The following NEK9 variants were observed in gnomAD, a reference collection of about 807,000 sequenced individuals.
NEK9 encodes NIMA related kinase 9.
Under a neutral mutation model 123.4 loss-of-function variants are expected in NEK9, and 75 were observed. That is an observed-to-expected ratio of 0.61 (90% CI 0.50 to 0.74). The LOEUF (loss-of-function observed/expected upper bound fraction) is 0.74, where lower values mean the gene tolerates loss of function less well. Among genes scored for constraint, NEK9 ranks in the 30% least tolerant of loss-of-function variants. The pLI, the probability that NEK9 is intolerant of heterozygous loss-of-function variation, is 0.00. For missense variants in NEK9, 952 were observed against 1,214.4 expected (o/e 0.78, Z 3.21); for synonymous variants, 438 against 458.7 (o/e 0.95, Z 0.58).
intron 21 of NEK9, among the ~76,000 whole-genome samples, chr14:75,085,556 T>C (rs1223673778): frequency 6.6e-6 from 1 of 152,140 alleles, no homozygotes; most frequent in East Asian, 1.9e-4. Flanking sequence ...ACTAAAAATG[T>C]TTAATGTGAA....
At chr14:75,104,048 G>GA (rs1212808315) in intron 13 of NEK9, 51 bp from the exon 14 acceptor site, 3 of 1,528,264 alleles carry the variant, frequency 2.0e-6, no homozygotes, top group Non-Finnish European at 1.8e-6. Flanking sequence ...ATTCGTATTA[G>GA]AAAAAAAGCT....
chr14:75,116,984 A>G (rs1895163012), intron 6 of NEK9, among the ~76,000 whole-genome samples: 1 of 152,036 alleles, frequency 6.6e-6, no homozygotes, highest in African/African-American at 2.4e-5. Context: ...TGATCCACCC[A>G]CCTCGGCCTC....
intron 13 of NEK9, 81 bp from the exon 14 acceptor site, chr14:75,104,078 G>A (rs1894683850): frequency 1.2e-5 from 16 of 1,388,830 alleles, no homozygotes; most frequent in Non-Finnish European, 1.6e-5. Flanking sequence ...TTTCAAAAGA[G>A]ACATGCTGCA....
chr14:75,097,226 C>T lies in NEK9; in HGVS notation c.2047G>A (p.Ala683Thr). ...AWGNGGNGRLAMTPTERPHGS... is the reference protein window; with the variant it reads ...AWGNGGNGRLTMTPTERPHGS... ...TGTGGTCTCTCTGTGGGGGTCATTG[C>T]CAGGCGGCCATTACCACCATTGCCC... The change falls in exon 17 of 22, where the codon GCA becomes ACA. Residue 683 changes from alanine to threonine, a missense_variant. This residue lies in a region of NEK9 where 698 missense variants were observed against 875.6 expected (regional missense o/e 0.80). Coordinates refer to ENST00000238616, the MANE Select transcript of NEK9 (RefSeq NM_033116.6). 1 of 1,609,606 alleles carries T rather than the reference C, an allele frequency of 6.2e-7. No homozygotes were observed. The highest frequency in any genetic ancestry group is 8.5e-7 in the Non-Finnish European group (1 of 1,177,618).
chr14:75,088,904 C>A (rs1894115820), intron 19 of NEK9, among the ~76,000 whole-genome samples: 1 of 152,154 alleles, frequency 6.6e-6, no homozygotes, highest in African/African-American at 2.4e-5. Context: ...TCTACACAGG[C>A]TATTCAGTGA....
chr14:75,103,910 C>T lies in NEK9; in HGVS notation c.1663G>A (p.Ala555Thr). The T allele has an allele frequency of 6.2e-7, 1 of 1,614,166 alleles. No individual in the cohort carries two copies. The highest frequency in any genetic ancestry group is 8.5e-7 in the Non-Finnish European group (1 of 1,180,018). Residue 555 changes from alanine (A) to threonine (T), a missense_variant, in exon 14 of 22, where the codon GCC becomes ACC. Transcript: ENST00000238616. ...FLLTQSGKVL[A>T]CGLNEFNKLG... ...TTATTGAATTCATTGAGTCCACAGG[C>T]CAGCACTTTGCCTGACTGGGTCAAC...
At chr14:75,118,970 C>G in intron 4 of NEK9, 35 bp from the exon 5 acceptor site, 1 of 1,145,626 alleles carries the variant, frequency 8.7e-7, no homozygotes, top group Non-Finnish European at 1.3e-6. Flanking sequence ...TAAGTTCACA[C>G]AGATAATTGT....
At chr14:75,107,258 T>C in intron 11 of NEK9, 85 bp downstream of exon 11, 1 of 1,423,392 alleles carries the variant, frequency 7.0e-7, no homozygotes, top group East Asian at 2.4e-5. Flanking sequence ...GTCTTTTGTT[T>C]TAAAATCCCA....
At chr14:75,106,225 G>A (rs1314581610) in intron 12 of NEK9, 1 of 595,046 alleles carries the variant, frequency 1.7e-6, no homozygotes, top group Admixed American at 3.0e-5. Flanking sequence ...TGGGTGTGAT[G>A]GTGTGTGCCT....
chr14:75,097,535 TCAAA>T (rs1894429632), intron 16 of NEK9, among the ~76,000 whole-genome samples: 1 of 152,246 alleles, frequency 6.6e-6, no homozygotes, highest in African/African-American at 2.4e-5. Flanking sequence ...GGTCATTCAT[TCAAA>T]CAGTGACTGA....
intron 13 of NEK9, among the ~76,000 whole-genome samples, chr14:75,104,896 T>A (rs1232234023): frequency 6.6e-6 from 1 of 152,260 alleles, no homozygotes; most frequent in Non-Finnish European, 1.5e-5. Flanking sequence ...TAATAGGTCC[T>A]ACTTAGGGTG....
chr14:75,093,327 T>C (rs1365404245), intron 18 of NEK9, among the ~76,000 whole-genome samples: 1 of 152,232 alleles, frequency 6.6e-6, no homozygotes, highest in Non-Finnish European at 1.5e-5. Flanking sequence ...ATTTGCCGTG[T>C]GAATTCCTTC....
At chr14:75,123,043 T>C (rs1895393298) in intron 2 of NEK9, among the ~76,000 whole-genome samples, 1 of 151,914 alleles carries the variant, frequency 6.6e-6, no homozygotes, top group Non-Finnish European at 1.5e-5. Flanking sequence ...GATCTGCTTG[T>C]CTTGGCTTCT....
intron 18 of NEK9, among the ~76,000 whole-genome samples, chr14:75,093,055 T>C (rs1205825591): frequency 6.6e-6 from 1 of 152,252 alleles, no homozygotes. Context: ...TAAATTTTCA[T>C]GCCTAACAAT....
In NEK9 at chr14:75,121,797, G is replaced by A. The variant is rs563468345; in HGVS notation, c.398-623C>T. On this transcript the variant is annotated intron_variant, in intron 2 of 21. Coordinates refer to ENST00000238616, the MANE Select transcript of NEK9 (RefSeq NM_033116.6). The stretch of plus-strand genomic sequence containing the variant: ...GCGTGGGAGGATCGCCTGAGCCTGG[G>A]AGGCGGAGGTTGCAGTGAGCTGGGA... Among the ~76,000 whole-genome samples, 6 of 152,376 alleles carry A rather than the reference G, an allele frequency of 3.9e-5. No individual in the cohort carries two copies. In the South Asian group the frequency reaches 1.2e-3, roughly 32 times the overall value.
Position 75,083,004 on chromosome 14 carries a change from C to T in NEK9, c.*1560G>A. 2.5e-6 allele frequency: 1 copy of T among 398,624 alleles called. No individual in the cohort carries two copies. Among genetic ancestry groups the T allele is most frequent in the Admixed American group, 4.4e-5 (1 of 22,734 alleles). The allele number at this position is 398,624 out of a possible 1,614,324, so 24.7% of individuals were successfully genotyped here. A position where few individuals can be genotyped will look rare whatever the true frequency, so the allele number is the denominator to read the frequency against. ...TCAAACCAAAGAAGATCCCATTGAA[C>T]AGAGTTGCCTGTCCCGAGCAATGGG... On this transcript the variant is annotated 3_prime_UTR_variant, in exon 22 of 22. Coordinates refer to ENST00000238616, the MANE Select transcript of NEK9 (RefSeq NM_033116.6).
rs752692109 is a variant in NEK9, at chr14:75,126,757, G to A, written c.165C>T (p.Ile55=). ...AEQEELHYIP[I]RVLGRGAFGE... is the part of the protein sequence containing the mutation. ...CGAAGGCGCCGCGGCCCAGGACGCGGATGGGGATGTAGTGCAGTTCCTCCT... is the reference window on the plus strand; with the variant it reads ...CGAAGGCGCCGCGGCCCAGGACGCGAATGGGGATGTAGTGCAGTTCCTCCT... The change falls in exon 1 of 22, where the codon ATC becomes ATT. Residue 55 remains isoleucine (I), a synonymous_variant. Transcript: ENST00000238616. 1.3e-6 allele frequency: 2 copies of A among 1,509,382 alleles called. No homozygotes were observed. The highest frequency in any genetic ancestry group is 1.2e-5 in the South Asian group (1 of 80,020). 93.5% of individuals were successfully genotyped at this position (1,509,382 alleles called of 1,614,324 possible). A position where few individuals can be genotyped will look rare whatever the true frequency, so the allele number is the denominator to read the frequency against.
intron 1 of NEK9, among the ~76,000 whole-genome samples, chr14:75,124,640 T>C (rs1895456863): frequency 6.6e-6 from 1 of 152,146 alleles, no homozygotes; most frequent in Non-Finnish European, 1.5e-5. Flanking sequence ...TAAACTTGCC[T>C]CTAGTTTTAT....
At chr14:75,123,774 G>A (rs1010035944) in intron 2 of NEK9, among the ~76,000 whole-genome samples, 1 of 152,046 alleles carries the variant, frequency 6.6e-6, no homozygotes, top group African/African-American at 2.4e-5. Flanking sequence ...GAAAAACCTT[G>A]AAAAATAAAG....
Sources: allele counts gnomAD v4.1 joint callset (sites outside exome capture counted in the v4.1 genomes callset), GRCh38; gene constraint gnomAD v4.1.1; regional missense constraint gnomAD v4.1.1; transcripts MANE v1.5; gene names NCBI Gene and HGNC (gene_info 2026-07-23, HGNC 2026-07-21).